The following RYR2 variants were observed in gnomAD, a reference collection of about 807,000 sequenced individuals.
The protein encoded by RYR2 is cardiac muscle ryanodine receptor-calcium release channel.
In RYR2, 227 loss-of-function variants were observed where a neutral mutation model predicts 601.1. That is an observed-to-expected ratio of 0.38 (90% CI 0.34 to 0.42). The LOEUF is 0.42. Among genes scored for constraint, RYR2 ranks in the 10% least tolerant of loss-of-function variants. RYR2 has a pLI of 1.00. For synonymous variants in RYR2, 2,223 were observed against 2,175.1 expected (o/e 1.02, Z -0.61); for missense variants, 4,646 against 6,156.5 (o/e 0.75, Z 8.21).
intron 50 of RYR2, among the ~76,000 whole-genome samples, chr1:237,650,896 A>G (rs980163788): frequency 6.6e-6 from 1 of 152,228 alleles, no homozygotes; most frequent in African/African-American, 2.4e-5. Context: ...TATCTCACAG[A>G]TATTTTCTAA....
intron 1 of RYR2, among the ~76,000 whole-genome samples, chr1:237,077,722 C>T (rs1665155254): frequency 6.6e-6 from 1 of 152,144 alleles, no homozygotes; most frequent in Non-Finnish European, 1.5e-5. Flanking sequence ...ATCAACGAGA[C>T]AGAAAGTCAA....
At chr1:237,362,096 G>C (rs1031527861) in intron 4 of RYR2, among the ~76,000 whole-genome samples, 3 of 152,118 alleles carry the variant, frequency 2.0e-5, no homozygotes, top group African/African-American at 7.2e-5. Flanking sequence ...TGTGCCCCCA[G>C]GTTTTGCTTG....
chr1:237,759,950 G>C (rs575255799), intron 83 of RYR2, 98 bp downstream of exon 83: 1 of 767,938 alleles, frequency 1.3e-6, no homozygotes, highest in African/African-American at 1.8e-5. Context: ...TAGAAGAATA[G>C]TTAATGATTA....
Position 237,048,779 on chromosome 1 carries a change from A to G in RYR2, c.48+6210A>G, listed in dbSNP as rs149250589. On this transcript the variant is annotated intron_variant, in intron 1 of 104. Coordinates refer to ENST00000366574, the MANE Select transcript of RYR2 (RefSeq NM_001035.3). ...GGACCGTGTTGGGCATCGGTTTCCCATGATGCTTGGTGCACTGTTAACTAC... is the reference window on the plus strand; with the variant it reads ...GGACCGTGTTGGGCATCGGTTTCCCGTGATGCTTGGTGCACTGTTAACTAC... Among the ~76,000 whole-genome samples the G allele has an allele frequency of 3.3e-5, 5 of 152,302 alleles. No homozygotes were observed. The East Asian group carries it at 9.7e-4, about 29-fold the overall frequency.
chr1:237,453,714 A>G (rs1356822806), intron 14 of RYR2, among the ~76,000 whole-genome samples: 4 of 152,274 alleles, frequency 2.6e-5, no homozygotes, highest in East Asian at 3.9e-4. Context: ...AGTTCTTTTC[A>G]GATACATTCA....
At chr1:237,630,472 A>T (rs966184649) in intron 41 of RYR2, among the ~76,000 whole-genome samples, 6 of 152,164 alleles carry the variant, frequency 3.9e-5, no homozygotes, top group African/African-American at 1.4e-4. Flanking sequence ...TGCAAAAATC[A>T]TACTATCCCA....
chr1:237,613,749 T>C (rs1358075881), intron 36 of RYR2, among the ~76,000 whole-genome samples: 1 of 152,148 alleles, frequency 6.6e-6, no homozygotes, highest in African/African-American at 2.4e-5. Context: ...TCGGAAACAT[T>C]TTGAGCACCA....
At chr1:237,265,522 A>T (rs764923998) in intron 1 of RYR2, among the ~76,000 whole-genome samples, 1 of 152,052 alleles carries the variant, frequency 6.6e-6, no homozygotes, top group Non-Finnish European at 1.5e-5. Context: ...GGGTTTCACC[A>T]TGTTGGCCAG....
At chr1:237,695,698 T>C (rs966916291) in intron 63 of RYR2, among the ~76,000 whole-genome samples, 4 of 152,204 alleles carry the variant, frequency 2.6e-5, no homozygotes, top group African/African-American at 9.6e-5. Context: ...CCACATGCTT[T>C]ACCTCTTCAA....
intron 56 of RYR2, 72 bp downstream of exon 56, chr1:237,661,019 G>A: frequency 8.2e-7 from 1 of 1,226,174 alleles, no homozygotes; most frequent in Non-Finnish European, 1.0e-6. Context: ...TTTAATTATT[G>A]AGTTTTTCTA....
intron 58 of RYR2, among the ~76,000 whole-genome samples, chr1:237,671,089 G>C (rs1179270597): frequency 6.6e-6 from 1 of 152,162 alleles, no homozygotes; most frequent in East Asian, 1.9e-4. Context: ...AACTAACCTA[G>C]TGGCAGCAGA....
intron 1 of RYR2, among the ~76,000 whole-genome samples, chr1:237,240,092 T>A (rs1238350491): frequency 6.6e-6 from 1 of 152,218 alleles, no homozygotes; most frequent in African/African-American, 2.4e-5. Flanking sequence ...GTTGTTTTCC[T>A]GGTGTTTTAA....
In RYR2 at chr1:237,614,490, A is replaced by G; in HGVS notation, c.5362A>G (p.Lys1788Glu). 5 of 1,614,002 alleles carry G rather than the reference A, an allele frequency of 3.1e-6. No homozygotes were observed. The highest frequency in any genetic ancestry group is 4.2e-6 in the Non-Finnish European group (5 of 1,179,894). The change falls in exon 37 of 105, where the codon AAG (lysine) becomes GAG (glutamate). Residue 1788 changes from lysine (K) to glutamate (E), a missense_variant. Transcript: ENST00000366574. The surrounding 1 kb of genome is among the most constrained non-coding windows in gnomAD (Gnocchi z 4.3). ...TCCAGAGTTCCCACTGGACATCCTC[A>G]AGTCCAAAACCATACAGATGCTGAC... The part of the protein sequence containing the change: ...YSPEFPLDIL[K>E]SKTIQMLTEA...
At chr1:237,318,973 A>G (rs924993244) in intron 2 of RYR2, among the ~76,000 whole-genome samples, 6 of 151,790 alleles carry the variant, frequency 4.0e-5, no homozygotes, top group Admixed American at 3.9e-4. Context: ...ACGTTATTCC[A>G]CTGGTTTCTG....
intron 2 of RYR2, among the ~76,000 whole-genome samples, chr1:237,291,620 A>C (rs796457418): frequency 6.6e-6 from 1 of 152,206 alleles, no homozygotes; most frequent in South Asian, 2.1e-4. Context: ...ATGAGCTATC[A>C]ATCCGTGAAA....
At chr1:237,168,247 A>G (rs1282691178) in intron 1 of RYR2, among the ~76,000 whole-genome samples, 1 of 151,912 alleles carries the variant, frequency 6.6e-6, no homozygotes, top group African/African-American at 2.4e-5. Context: ...CTGGGCATTA[A>G]TCGTTAAATG....
chr1:237,546,088 A>G (rs184218604), intron 25 of RYR2, among the ~76,000 whole-genome samples: 19 of 152,078 alleles, frequency 1.2e-4, no homozygotes, highest in Non-Finnish European at 2.9e-5. Flanking sequence ...GCCTATTTAA[A>G]TGTCAGAAGT....
chr1:237,660,697 A>G, intron 55 of RYR2, 113 bp from the exon 56 acceptor site: 4 of 863,950 alleles, frequency 4.6e-6, no homozygotes, highest in Non-Finnish European at 6.7e-6. Context: ...TAAATAAGCT[A>G]TGCTCATCAA....
intron 1 of RYR2, among the ~76,000 whole-genome samples, chr1:237,139,925 A>T (rs751710581): frequency 6.6e-6 from 1 of 152,236 alleles, no homozygotes; most frequent in Non-Finnish European, 1.5e-5. Context: ...GTGTGCAGAG[A>T]TGCAGGCGAG....
Sources: allele counts gnomAD v4.1 joint callset (sites outside exome capture counted in the v4.1 genomes callset), GRCh38; gene constraint gnomAD v4.1.1; non-coding constraint Gnocchi (gnomAD v3.1); transcripts MANE v1.5; gene names NCBI Gene and HGNC (gene_info 2026-07-23, HGNC 2026-07-21).